The following DCHS2 variants were observed in gnomAD, a reference collection of about 807,000 sequenced individuals.
DCHS2 encodes dachsous cadherin-related 2, also known as protocadherin-23.
Under a neutral mutation model 182.4 loss-of-function variants are expected in DCHS2, and 142 were observed. The ratio of observed to expected loss-of-function variants is 0.78; its 90% CI spans 0.68 to 0.89. DCHS2 has a LOEUF of 0.89. Ranked by LOEUF, DCHS2 falls within the 40% of genes least tolerant of loss-of-function variation. The probability of loss-of-function intolerance (pLI) is 0.00; values close to 1 mark genes in which losing one functional copy is unlikely to be tolerated. For missense variants in DCHS2, 4,319 were observed against 4,198.6 expected, an observed-to-expected ratio of 1.03 and a Z score of -0.79; for synonymous variants, 1,740 against 1,663.3, an observed-to-expected ratio of 1.05 and a Z score of -1.12.
At chr4:154,361,638 G>A (rs965626112) in intron 3 of DCHS2, among the ~76,000 whole-genome samples, 15 of 151,868 alleles carry the variant, frequency 9.9e-5, no homozygotes, top group African/African-American at 2.4e-4. Context: ...CTCTCGTGGC[G>A]CCTAAACACA....
rs754829108 is a variant in DCHS2, at chr4:154,335,016, T to C, written c.2565A>G (p.Thr855=). The C allele has an allele frequency of 5.6e-6, 9 of 1,614,018 alleles. No homozygotes were observed. The highest frequency in any genetic ancestry group is 7.6e-6 in the Non-Finnish European group (9 of 1,179,986). ...TGGTGACATCGGCATTAATGACAGC[T>C]GTGAGCCCACCACCGTCTTGAGCAG... ...MVSAQDGGGL[T]AVINADVTIH... is the part of the protein sequence containing the mutation. The change falls in exon 4 of 20, where the codon ACA becomes ACG. Residue 855 remains threonine, a synonymous_variant. Coordinates refer to ENST00000357232, the MANE Select transcript of DCHS2 (RefSeq NM_001358235.2).
In DCHS2 at chr4:154,329,627, G is replaced by A; in HGVS notation, c.3814C>T (p.Pro1272Ser). 1 of 1,612,752 alleles carries A rather than the reference G, an allele frequency of 6.2e-7. No individual in the cohort carries two copies. ...ACCGCCATGGTGGCGTTTCGTGGTG[G>A]GGAGCCGCGGTCTGTCACTAGCACA... ...MTVLVTDRGS[P>S]PRNATMAVYV... The change falls in exon 6 of 20, where the codon CCA (proline) becomes TCA (serine). Residue 1272 changes from proline to serine, a missense_variant. Pro to Ser is a moderately conservative substitution (Grantham distance 74). Coordinates refer to ENST00000357232, the MANE Select transcript of DCHS2 (RefSeq NM_001358235.2).
In DCHS2 at chr4:154,255,520, T is replaced by C. The variant is rs772566632; in HGVS notation, c.6940A>G (p.Ser2314Gly). Reference sequence around the variant, plus strand: ...AATGGATCTGAACCCTGGACCAACCTGTAGGAGCTGGTGAGCTCGTAATCT... The same window carrying C: ...AATGGATCTGAACCCTGGACCAACCCGTAGGAGCTGGTGAGCTCGTAATCT... ...ILDYELTSSYSLIVQATDKGM... is the reference protein window; with the variant it reads ...ILDYELTSSYGLIVQATDKGM... The change falls in exon 16 of 20, where the codon AGC (serine) becomes GGC (glycine). Residue 2314 changes from serine to glycine, a missense_variant and splice_region_variant. Physicochemically the swap from Ser to Gly is moderately conservative, Grantham distance 56. Coordinates refer to ENST00000357232, the MANE Select transcript of DCHS2 (RefSeq NM_001358235.2). The C allele has an allele frequency of 1.4e-5, 22 of 1,613,294 alleles. No individual in the cohort carries two copies. The highest frequency in any genetic ancestry group is 1.8e-5 in the Non-Finnish European group (21 of 1,179,604).
In DCHS2 at chr4:154,320,605, G is replaced by A. The variant is rs769479352; in HGVS notation, c.4794C>T (p.Asp1598=). 1 of 1,614,076 alleles carries A rather than the reference G, an allele frequency of 6.2e-7. No individual in the cohort carries two copies. Among genetic ancestry groups the A allele is most frequent in the Non-Finnish European group, 8.5e-7 (1 of 1,179,990 alleles). ...GTGCTGTCAGTGATCTCAGTCGCCG[G>A]TCTGTCACATTCACAGCCTGATCAG... ...TASDQAVNVT[D]RRLRSLTAQI... The change falls in exon 9 of 20, where the codon GAC becomes GAT. Residue 1598 remains aspartate (D), a synonymous_variant. Coordinates refer to ENST00000357232, the MANE Select transcript of DCHS2 (RefSeq NM_001358235.2).
intron 13 of DCHS2, among the ~76,000 whole-genome samples, chr4:154,290,598 C>T (rs952060754): frequency 6.6e-6 from 1 of 151,938 alleles, no homozygotes; most frequent in Non-Finnish European, 1.5e-5. Context: ...ACATATAAAC[C>T]AATGAAACAG....
chr4:154,266,667 AAAAAG>A (rs932614461), intron 14 of DCHS2, among the ~76,000 whole-genome samples: 2 of 151,886 alleles, frequency 1.3e-5, no homozygotes, highest in African/African-American at 4.8e-5. Flanking sequence ...AAAAAAAAAA[AAAAAG>A]AAAGCTTGTC....
chr4:154,407,940 T>TC (rs780133826), intron 1 of DCHS2, among the ~76,000 whole-genome samples: 4 of 152,088 alleles, frequency 2.6e-5, no homozygotes, highest in Non-Finnish European at 5.9e-5. Flanking sequence ...TGCAAAAGTT[T>TC]CTATAACTAG....
chr4:154,439,555 T>C (rs4399970), intron 1 of DCHS2, among the ~76,000 whole-genome samples: 69,818 of 151,972 alleles, frequency 0.46, 16,545 homozygotes, highest in Middle Eastern at 0.68. Context: ...TTTGATAAGC[T>C]ATGAATTTTC....
chr4:154,257,557 G>T (rs913122062), intron 15 of DCHS2, among the ~76,000 whole-genome samples: 1 of 152,162 alleles, frequency 6.6e-6, no homozygotes, highest in Non-Finnish European at 1.5e-5. Flanking sequence ...TGGCGGGATG[G>T]GAGTGGGAGG....
At chr4:154,479,830 G>C (rs1161744850) in intron 1 of DCHS2, among the ~76,000 whole-genome samples, 1 of 152,100 alleles carries the variant, frequency 6.6e-6, no homozygotes, top group Non-Finnish European at 1.5e-5. Flanking sequence ...CTTTATGCTG[G>C]ACGCTGATAG....
intron 7 of DCHS2, among the ~76,000 whole-genome samples, chr4:154,326,252 T>C (rs1283789710): frequency 6.6e-6 from 1 of 152,192 alleles, no homozygotes; most frequent in African/African-American, 2.4e-5. Context: ...TTTCTTTGAG[T>C]TGTCTGTTAA....
chr4:154,383,050 A>C (rs1224159427), intron 1 of DCHS2, among the ~76,000 whole-genome samples: 1 of 152,242 alleles, frequency 6.6e-6, no homozygotes, highest in Non-Finnish European at 1.5e-5. Context: ...TATTCATCAC[A>C]GTGCTATTCA....
intron 10 of DCHS2, among the ~76,000 whole-genome samples, chr4:154,312,947 C>T (rs1024691086): frequency 1.3e-5 from 2 of 152,122 alleles, no homozygotes; most frequent in Non-Finnish European, 2.9e-5. Context: ...GGTGTTTCTC[C>T]CTGGCTCCAA....
chr4:154,366,568 A>G (rs1329183298), intron 2 of DCHS2, 127 bp from the exon 3 acceptor site: 2 of 678,646 alleles, frequency 2.9e-6, no homozygotes, highest in Non-Finnish European at 5.3e-6. Context: ...TTGTATATGT[A>G]TATGTGTGTA....
intron 10 of DCHS2, among the ~76,000 whole-genome samples, chr4:154,311,228 TTTTTC>T (rs772070366): frequency 1.6e-4 from 25 of 152,078 alleles, no homozygotes; most frequent in Non-Finnish European, 2.5e-4. Context: ...AGGAAGATCA[TTTTTC>T]TTTTCTTTTC....
chr4:154,322,696 A>C, intron 7 of DCHS2: 1 of 587,568 alleles, frequency 1.7e-6, no homozygotes, highest in Non-Finnish European at 2.7e-6. Flanking sequence ...AAGTGGACAA[A>C]ATGGTATAAT....
Position 154,329,551 on chromosome 4 carries a change from C to CTA in DCHS2, c.3889_3890insTA (p.Cys1297LeufsTer10), listed in dbSNP as rs1169271666. The CTA allele has an allele frequency of 6.2e-7, 1 of 1,613,590 alleles. No individual in the cohort carries two copies. Among genetic ancestry groups the CTA allele is most frequent in the Non-Finnish European group, 8.5e-7 (1 of 1,179,894 alleles). On this transcript the variant is annotated frameshift_variant, in exon 6 of 20. Coordinates refer to ENST00000357232, the MANE Select transcript of DCHS2 (RefSeq NM_001358235.2). LOFTEE classifies it high-confidence loss of function. The stretch of plus-strand genomic sequence containing the variant: ...CACGTGTAACTCCTTTCCAGGGAGA[C>CTA]ACTGGGGGAAGAAGGGCCTGTTATC...
chr4:154,334,128 A>C (rs1251980718), intron 4 of DCHS2: 1 of 152,518 alleles, frequency 6.6e-6, no homozygotes, highest in Non-Finnish European at 1.5e-5. Flanking sequence ...CCTTTTTTTA[A>C]ATATATTTGA....
intron 1 of DCHS2, among the ~76,000 whole-genome samples, chr4:154,381,552 A>C (rs2110819644): frequency 6.6e-6 from 1 of 152,278 alleles, no homozygotes; most frequent in African/African-American, 2.4e-5. Context: ...ACTCTGCCAA[A>C]AGGCTCCTGG....
Sources: gnomAD v4.1 joint callset for allele counts (sites outside exome capture counted in the v4.1 genomes callset) on GRCh38, gnomAD v4.1.1 for gene constraint, MANE v1.5 for transcripts, NCBI Gene and HGNC (gene_info 2026-07-23, HGNC 2026-07-21) for gene names.